The following ZFTRAF1 variants were observed in gnomAD, a reference collection of about 807,000 sequenced individuals.
ZFTRAF1 encodes the protein zinc finger TRAF-type and ring finger containing 1.
At chr8:144,452,569 C>T in the ZFTRAF1 span, 1 of 1,536,332 alleles carries the variant, frequency 6.5e-7, no homozygotes, top group Non-Finnish European at 8.7e-7. Flanking sequence ...CACTGGGTTA[C>T]CCTGGGGGAG....
At chr8:144,453,353 A>G in the ZFTRAF1 span, 4 of 1,551,140 alleles carry the variant, frequency 2.6e-6, no homozygotes. Context: ...AGAGGCTCTT[A>G]CTGATCTCAC....
At chr8:144,462,138 C>A in the ZFTRAF1 span, 1 of 356,052 alleles carries the variant, frequency 2.8e-6, no homozygotes, top group Non-Finnish European at 5.1e-6. Flanking sequence ...CCCCGCTGGG[C>A]GAGGAAGTGG....
chr8:144,450,701 G>A, the ZFTRAF1 span: 1 of 717,004 alleles, frequency 1.4e-6, no homozygotes, highest in Non-Finnish European at 2.6e-6. Flanking sequence ...GTTCAGCACT[G>A]TGAACCTGGG....
chr8:144,451,035 G>A, the ZFTRAF1 span: 1 of 449,226 alleles, frequency 2.2e-6, no homozygotes, highest in Admixed American at 3.6e-5. Flanking sequence ...CCACACCCCA[G>A]GCGTGCCCGA....
At chr8:144,460,657 C>T in the ZFTRAF1 span, among the ~76,000 whole-genome samples, 6 of 152,336 alleles carry the variant, frequency 3.9e-5, no homozygotes, top group South Asian at 2.1e-4. Context: ...CCGAGGCAGG[C>T]GGATCACCCA....
At chr8:144,450,218 C>G in the ZFTRAF1 span, 1 of 590,348 alleles carries the variant, frequency 1.7e-6, no homozygotes, top group Non-Finnish European at 3.0e-6. Flanking sequence ...GGCGGGGGCC[C>G]CGTCGCGCAC....
At chr8:144,452,100 G>A in the ZFTRAF1 span, 2 of 532,086 alleles carry the variant, frequency 3.8e-6, no homozygotes, top group African/African-American at 1.9e-5. Context: ...TGAAGCCAGG[G>A]TGGCGAGGAC....
chr8:144,459,495 G>C, the ZFTRAF1 span, among the ~76,000 whole-genome samples: 4 of 152,392 alleles, frequency 2.6e-5, no homozygotes, highest in Non-Finnish European at 4.4e-5. Context: ...GAGGGCCTCA[G>C]TCTGACACCC....
chr8:144,451,511 C>T, the ZFTRAF1 span: 5 of 153,660 alleles, frequency 3.3e-5, no homozygotes, highest in Non-Finnish European at 2.9e-5. Context: ...CCCTCGGCCT[C>T]TCTGGCCTGC....
chr8:144,455,870 TC>T, the ZFTRAF1 span: 1 of 152,582 alleles, frequency 6.6e-6, no homozygotes, highest in Non-Finnish European at 1.5e-5. Context: ...ACCACTTACC[TC>T]CCAGCACTGC....
chr8:144,450,408 G>A, the ZFTRAF1 span: 1 of 717,184 alleles, frequency 1.4e-6, no homozygotes, highest in Non-Finnish European at 2.6e-6. Flanking sequence ...AGGAAGAGCC[G>A]CAGGTTGATG....
At chr8:144,454,685 GGTGT>G in the ZFTRAF1 span, 1 of 152,496 alleles carries the variant, frequency 6.6e-6, no homozygotes, top group East Asian at 1.9e-4. Flanking sequence ...CTCTCTACAA[GGTGT>G]GTGTCAGGGA....
the ZFTRAF1 span, chr8:144,462,271 C>A: frequency 3.5e-6 from 2 of 564,998 alleles, no homozygotes; most frequent in South Asian, 1.9e-5. Context: ...CGGGGTCGGC[C>A]GGCGGCCCTA....
the ZFTRAF1 span, chr8:144,452,441 C>G: frequency 4.5e-6 from 7 of 1,549,788 alleles, no homozygotes; most frequent in Middle Eastern, 5.0e-4. Context: ...TCTGGTCCAT[C>G]CCATCCAGGA....
At chr8:144,462,578 A>C in the ZFTRAF1 span, 9 of 122,768 alleles carry the variant, frequency 7.3e-5, no homozygotes, top group East Asian at 5.8e-4. Context: ...TCCGACCCCG[A>C]CCCCGACCCC....
chr8:144,457,726 G>C, the ZFTRAF1 span: 1 of 152,402 alleles, frequency 6.6e-6, no homozygotes, highest in East Asian at 1.9e-4. Flanking sequence ...CCTGGCTGAG[G>C]GCCCCCACGA....
At chr8:144,449,797 GTC>G in the ZFTRAF1 span, 21 of 160,460 alleles carry the variant, frequency 1.3e-4, no homozygotes, top group African/African-American at 4.3e-4. Context: ...GGGAGGCAGT[GTC>G]TCTGAGTCTT....
chr8:144,458,926 G>A, the ZFTRAF1 span, among the ~76,000 whole-genome samples: 1 of 152,238 alleles, frequency 6.6e-6, no homozygotes, highest in African/African-American at 2.4e-5. Flanking sequence ...TTACACCCGA[G>A]TGAGCCCGTT....
the ZFTRAF1 span, chr8:144,455,114 T>C: frequency 6.6e-6 from 1 of 152,182 alleles, no homozygotes; most frequent in East Asian, 1.9e-4. Context: ...TAGGAGTTCA[T>C]GACCAGCCTG....
Sources: gnomAD v4.1 joint callset for allele counts (sites outside exome capture counted in the v4.1 genomes callset) on GRCh38, gnomAD v4.1.1 for gene constraint, MANE v1.5 for transcripts, NCBI Gene and HGNC (gene_info 2026-07-23, HGNC 2026-07-21) for gene names.